The following SNX19 variants were observed in gnomAD, a reference collection of about 807,000 sequenced individuals.
SNX19 encodes the protein sorting nexin-19.
Under a neutral mutation model 85.2 loss-of-function variants are expected in SNX19, and 60 were observed. The ratio of observed to expected loss-of-function variants is 0.70; its 90% confidence interval spans 0.57 to 0.87. SNX19 has a LOEUF of 0.87. SNX19 is among the 40% of genes least tolerant of loss of function. SNX19 has a pLI of 0.00. For missense variants in SNX19, 1,201 were observed against 1,217.8 expected, an observed-to-expected ratio of 0.99 and a Z score of 0.21; for synonymous variants, 520 against 470.0, an observed-to-expected ratio of 1.11 and a Z score of -1.38.
chr11:130,897,512 G>A lies in SNX19; in HGVS notation c.2573+5743C>T, dbSNP rs571457605. Among the ~76,000 whole-genome samples the A allele has an allele frequency of 6.6e-5, 10 of 152,286 alleles. No homozygotes were observed. In the East Asian group the frequency reaches 7.8e-4, roughly 12 times the overall value. On this transcript the variant is annotated intron_variant, in intron 8 of 10. Coordinates refer to ENST00000265909, the MANE Select transcript of SNX19 (RefSeq NM_014758.3). ...GGGGCCATGGGGAGGGCAGCGCCGC[G>A]GACGTGGCATTCACGCATTCTGCTG...
intron 8 of SNX19, among the ~76,000 whole-genome samples, chr11:130,896,728 G>A (rs11222381): frequency 1.3e-5 from 2 of 152,296 alleles, no homozygotes; most frequent in East Asian, 3.9e-4. Flanking sequence ...CTATCTCATA[G>A]AATTGAACAT....
At position 130,892,122 on chromosome 11, in the gene SNX19, G is replaced by C. The variant is rs546573696; in HGVS notation, c.2573+11133C>G. ...GCCTCCCAAAGTGCTGGGATTACAGGCATGAGCCACTGCGCCCGGCCAATC... is the reference window on the plus strand; with the variant it reads ...GCCTCCCAAAGTGCTGGGATTACAGCCATGAGCCACTGCGCCCGGCCAATC... On this transcript the variant is annotated intron_variant, in intron 8 of 10. Coordinates refer to ENST00000265909, the MANE Select transcript of SNX19 (RefSeq NM_014758.3). Among the ~76,000 whole-genome samples the C allele has an allele frequency of 2.7e-5, 4 of 150,834 alleles. No homozygotes were observed. In the East Asian group the frequency reaches 7.8e-4, roughly 29 times the overall value.
intron 6 of SNX19, 124 bp downstream of exon 6, chr11:130,906,501 C>T: frequency 1.3e-6 from 1 of 741,284 alleles, no homozygotes; most frequent in South Asian, 1.7e-5. Flanking sequence ...AGCTGGAGAT[C>T]CAAACGTTGA....
chr11:130,866,754 T>C lies in SNX19; in HGVS notation c.*11668A>G, dbSNP rs1211117262. The C allele has an allele frequency of 6.6e-6, 1 of 152,180 alleles. No homozygotes were observed. Among genetic ancestry groups the C allele is most frequent in the African/African-American group, 2.4e-5 (1 of 41,438 alleles). 9.4% of individuals were successfully genotyped at this position (152,180 alleles called of 1,614,324 possible). On this transcript the variant is annotated 3_prime_UTR_variant, in exon 11 of 11. Transcript: ENST00000265909. ...AGAAAGACCTTGGGTGAACTTTTCA[T>C]TGAAACACTGAAGGCTTTAGGTTCA...
At chr11:130,903,718 C>T (rs201218552) in intron 7 of SNX19, among the ~76,000 whole-genome samples, 127 of 36,988 alleles carry the variant, frequency 3.4e-3, no homozygotes, top group African/African-American at 8.5e-3. Flanking sequence ...TATACACATA[C>T]ACACACACAC....
rs76730605 is a variant in SNX19, at chr11:130,890,043, G to C, written c.2574-9237C>G. On this transcript the variant is annotated intron_variant, in intron 8 of 10. Transcript: ENST00000265909. ...ATTGATTTTTATATAAATCAGAGTA[G>C]ATACTAATCTATTACTTTAGTAAGC... Among the ~76,000 whole-genome samples, 1,318 of 152,208 alleles carry C rather than the reference G, an allele frequency of 8.7e-3. 17 individuals carry two copies. Among genetic ancestry groups the C allele is most frequent in the African/African-American group, 0.031 (1,271 of 41,534 alleles).
chr11:130,916,002 G>T lies in SNX19; in HGVS notation c.-63C>A. 6.9e-7 allele frequency: 1 copy of T among 1,439,634 alleles called. No homozygotes were observed. Among genetic ancestry groups the T allele is most frequent in the Admixed American group, 2.0e-5 (1 of 50,152 alleles). 89.2% of individuals were successfully genotyped at this position (1,439,634 alleles called of 1,614,324 possible). ...CTCAAGATTTTACTTCAGAGTTAGG[G>T]AAGGGGGGCATGAACTGTGTCTCAG... is the stretch of plus-strand genomic sequence containing the variant. On this transcript the variant is annotated 5_prime_UTR_variant, in exon 1 of 11. Coordinates refer to ENST00000265909, the MANE Select transcript of SNX19 (RefSeq NM_014758.3).
At chr11:130,898,583 C>T (rs901256076) in intron 8 of SNX19, among the ~76,000 whole-genome samples, 3 of 152,276 alleles carry the variant, frequency 2.0e-5, no homozygotes, top group Non-Finnish European at 4.4e-5. Context: ...GGATGGGAGG[C>T]AACGGGACCT....
At position 130,894,904 on chromosome 11, in the gene SNX19, C is replaced by G. The variant is rs546439817; in HGVS notation, c.2573+8351G>C. 12 of 985,300 alleles carry G rather than the reference C, an allele frequency of 1.2e-5. No homozygotes were observed. In the South Asian group the frequency reaches 2.3e-4, roughly 19 times the overall value. 61.0% of individuals were successfully genotyped at this position (985,300 alleles called of 1,614,324 possible). On this transcript the variant is annotated intron_variant, in intron 8 of 10. Coordinates refer to ENST00000265909, the MANE Select transcript of SNX19 (RefSeq NM_014758.3). ...TACCTCTAAATTATCTCTTATCCCC[C>G]CAAAGAACTTCATGCACTAGGCTAT...
Position 130,916,018 on chromosome 11 carries a change from T to G in SNX19, c.-79A>C. 1 of 1,330,000 alleles carries G rather than the reference T, an allele frequency of 7.5e-7. No individual in the cohort carries two copies. Among genetic ancestry groups the G allele is most frequent in the Non-Finnish European group, 1.0e-6 (1 of 962,664 alleles). 82.4% of individuals were successfully genotyped at this position (1,330,000 alleles called of 1,614,324 possible). On this transcript the variant is annotated 5_prime_UTR_variant, in exon 1 of 11. Transcript: ENST00000265909. Reference sequence around the variant, plus strand: ...AGAGTTAGGGAAGGGGGGCATGAACTGTGTCTCAGATATGGGGCGATCTGG... The same window carrying G: ...AGAGTTAGGGAAGGGGGGCATGAACGGTGTCTCAGATATGGGGCGATCTGG...
chr11:130,899,806 CCCAATATTCACAGTGGCTTCATT>C lies in SNX19; in HGVS notation c.2573+3426_2573+3448del, dbSNP rs1465511816. The stretch of plus-strand genomic sequence containing the variant: ...AACTAGCCGCAAAATGCTGTTCTTG[CCCAATATTCACAGTGGCTTCATT>C]CAAATTCACCAAATATATTCAGAGT... On this transcript the variant is annotated intron_variant, in intron 8 of 10. Coordinates refer to ENST00000265909, the MANE Select transcript of SNX19 (RefSeq NM_014758.3). Among the ~76,000 whole-genome samples, 6 of 152,294 alleles carry C rather than the reference CCCAATATTCACAGTGGCTTCATT, an allele frequency of 3.9e-5. No homozygotes were observed. In the South Asian group the frequency reaches 6.2e-4, roughly 16 times the overall value.
At chr11:130,887,339 A>G (rs954988629) in intron 8 of SNX19, among the ~76,000 whole-genome samples, 21 of 152,238 alleles carry the variant, frequency 1.4e-4, no homozygotes, top group African/African-American at 5.1e-4. Context: ...ATATGAAAGC[A>G]TTGGGCACCA....
rs971140658 is a variant in SNX19, at chr11:130,868,227, A to G, written c.*10195T>C. ...GGGGCAGACACTCTCTCCTACTGAC[A>G]GGAAGAGAATTAGCCTCCTTTGGTG... On this transcript the variant is annotated 3_prime_UTR_variant, in exon 11 of 11. Coordinates refer to ENST00000265909, the MANE Select transcript of SNX19 (RefSeq NM_014758.3). The G allele has an allele frequency of 2.0e-5, 3 of 152,140 alleles. No individual in the cohort carries two copies. Among genetic ancestry groups the G allele is most frequent in the Non-Finnish European group, 2.9e-5 (2 of 68,032 alleles). 9.4% of individuals were successfully genotyped at this position (152,140 alleles called of 1,614,324 possible).
At chr11:130,896,543 T>C (rs1944890085) in intron 8 of SNX19, among the ~76,000 whole-genome samples, 1 of 152,070 alleles carries the variant, frequency 6.6e-6, no homozygotes, top group Non-Finnish European at 1.5e-5. Flanking sequence ...CACTGCTTTG[T>C]GGGAAAGCTT....
At chr11:130,914,180 T>C in intron 1 of SNX19, 86 bp downstream of exon 1, 1 of 1,146,062 alleles carries the variant, frequency 8.7e-7, no homozygotes, top group Non-Finnish European at 1.2e-6. Context: ...ACTAACAGCA[T>C]CTCTCCCCCA....
At position 130,871,250 on chromosome 11, in the gene SNX19, C is replaced by T. The variant is rs968281304; in HGVS notation, c.*7172G>A. 6.6e-6 allele frequency among the ~76,000 whole-genome samples: 1 copy of T among 152,094 alleles called. No homozygotes were observed. The highest frequency in any genetic ancestry group is 1.5e-5 in the Non-Finnish European group (1 of 68,020). On this transcript the variant is annotated 3_prime_UTR_variant, in exon 11 of 11. Coordinates refer to ENST00000265909, the MANE Select transcript of SNX19 (RefSeq NM_014758.3). Reference sequence around the variant, plus strand: ...GAAAATGCTCTACTGCCAACTAAGCCCATGTGATTCTCCTAGAGATGCATG... The same window carrying T: ...GAAAATGCTCTACTGCCAACTAAGCTCATGTGATTCTCCTAGAGATGCATG...
rs1555127948 is a variant in SNX19, at chr11:130,884,890, A to AAG, written c.2574-4085_2574-4084insCT. Among the ~76,000 whole-genome samples, 69 of 145,544 alleles carry AAG rather than the reference A, an allele frequency of 4.7e-4. 4 individuals are homozygous for AAG. The highest frequency in any genetic ancestry group is 1.1e-3 in the South Asian group (5 of 4,512). On this transcript the variant is annotated intron_variant, in intron 8 of 10. Transcript: ENST00000265909. ...CCATCTCAAAAAAAAAAAAAAAAAAAAAATTACTTATAATAAATCATTTAC... is the reference window on the plus strand; with the variant it reads ...CCATCTCAAAAAAAAAAAAAAAAAAAAGAAATTACTTATAATAAATCATTTAC...
Position 130,908,099 on chromosome 11 carries a change from G to A in SNX19, c.2035-16C>T, listed in dbSNP as rs1945816037. The A allele has an allele frequency of 6.2e-7, 1 of 1,613,228 alleles. No homozygotes were observed. The highest frequency in any genetic ancestry group is 8.5e-7 in the Non-Finnish European group (1 of 1,179,624). On this transcript the variant is annotated splice_polypyrimidine_tract_variant and intron_variant, in intron 4 of 10. Transcript: ENST00000265909. ...TCACCACCATCTGCAGGGGTCAGAGGTGCAGGGTCAGTCCATCCACATCCA... is the reference window on the plus strand; with the variant it reads ...TCACCACCATCTGCAGGGGTCAGAGATGCAGGGTCAGTCCATCCACATCCA...
At chr11:130,895,767 T>TCCA (rs1347093516) in intron 8 of SNX19, among the ~76,000 whole-genome samples, 1 of 152,208 alleles carries the variant, frequency 6.6e-6, no homozygotes, top group East Asian at 1.9e-4. Context: ...TCAGCTGCCA[T>TCCA]CCACCTGCTA....
Sources: gnomAD v4.1 joint callset for allele counts (sites outside exome capture counted in the v4.1 genomes callset) on GRCh38, gnomAD v4.1.1 for gene constraint, MANE v1.5 for transcripts, NCBI Gene and HGNC (gene_info 2026-07-23, HGNC 2026-07-21) for gene names.